Variants in CDH13 observed in about 807,000 individuals in gnomAD.
CDH13 encodes cadherin 13.
CDH13 carries 24 observed loss-of-function variants against 63.8 expected under a neutral mutation model. The ratio of observed to expected loss-of-function variants is 0.38; its 90% confidence interval spans 0.27 to 0.53. CDH13 has a LOEUF of 0.53. Ranked by LOEUF, CDH13 falls within the 20% of genes least tolerant of loss-of-function variation. CDH13 has a pLI of 0.85. For synonymous variants in CDH13, 503 were observed against 355.3 expected (o/e 1.42, Z -4.67); for missense variants, 1,049 against 903.1 (o/e 1.16, Z -2.07).
intron 8 of CDH13, among the ~76,000 whole-genome samples, chr16:83,657,660 A>G (rs1912986575): frequency 6.6e-6 from 1 of 152,200 alleles, no homozygotes; most frequent in Non-Finnish European, 1.5e-5. Context: ...GTGTCTGCAG[A>G]ATCAGTCAGT....
intron 6 of CDH13, among the ~76,000 whole-genome samples, chr16:83,438,420 A>T (rs1025375442): frequency 1.3e-5 from 2 of 152,208 alleles, no homozygotes; most frequent in African/African-American, 4.8e-5. Context: ...ATGTTAAAGG[A>T]ATACATTTGA....
intron 4 of CDH13, among the ~76,000 whole-genome samples, chr16:83,207,464 A>T (rs74774117): frequency 0.046 from 6,934 of 152,308 alleles, 332 homozygotes; most frequent in African/African-American, 0.12. Flanking sequence ...ACACATGTAG[A>T]CACATACAAT....
Position 83,367,363 on chromosome 16 carries a change from C to T in CDH13, c.781+22357C>T, listed in dbSNP as rs893339996. On this transcript the variant is annotated intron_variant, in intron 6 of 13. Coordinates refer to ENST00000567109, the MANE Select transcript of CDH13 (RefSeq NM_001257.5). ...GATTATATTTTATTTTAAGTTTTTA[C>T]GTTATATTTTATGACATTTATCCAT... Among the ~76,000 whole-genome samples the T allele has an allele frequency of 9.2e-5, 14 of 152,154 alleles. No individual in the cohort carries two copies. The East Asian group carries it at 9.6e-4, about 10-fold the overall frequency.
intron 2 of CDH13, among the ~76,000 whole-genome samples, chr16:82,903,652 A>G (rs990859421): frequency 1.3e-5 from 2 of 152,148 alleles, no homozygotes; most frequent in Admixed American, 6.5e-5. Flanking sequence ...GAAACTTTCT[A>G]CTTGGAATCA....
At chr16:83,217,520 C>T (rs1242565830) in intron 5 of CDH13, 23 bp downstream of exon 5, 1 of 1,605,370 alleles carries the variant, frequency 6.2e-7, no homozygotes, top group Admixed American at 1.7e-5. Flanking sequence ...CTCCCATGCC[C>T]ACCCTGTGCG....
intron 10 of CDH13, among the ~76,000 whole-genome samples, chr16:83,731,317 G>C (rs559041763): frequency 1.4e-3 from 186 of 132,684 alleles, no homozygotes; most frequent in Non-Finnish European, 5.6e-4. Context: ...TGTAACCTGG[G>C]CAGCATCTGT....
intron 2 of CDH13, among the ~76,000 whole-genome samples, chr16:83,004,556 G>A (rs1400416630): frequency 2.0e-5 from 3 of 152,142 alleles, no homozygotes; most frequent in East Asian, 1.9e-4. Context: ...CCAGGCTGGA[G>A]TGTATTGGTG....
chr16:83,609,183 G>A (rs576773174), intron 8 of CDH13, among the ~76,000 whole-genome samples: 2 of 152,170 alleles, frequency 1.3e-5, no homozygotes, highest in Non-Finnish European at 2.9e-5. Flanking sequence ...TGCAGCTGAG[G>A]ATGGCTTTGA....
chr16:83,206,686 G>A (rs888901539), intron 4 of CDH13, among the ~76,000 whole-genome samples: 1 of 152,208 alleles, frequency 6.6e-6, no homozygotes, highest in African/African-American at 2.4e-5. Context: ...TCAGAGAGAT[G>A]GCTCTTAAAC....
chr16:82,757,151 A>G (rs1056742949), intron 1 of CDH13, among the ~76,000 whole-genome samples: 1 of 152,120 alleles, frequency 6.6e-6, no homozygotes, highest in African/African-American at 2.4e-5. Context: ...GCTGTATTGT[A>G]TCCTATCTAC....
At chr16:83,288,216 C>A (rs150084535) in intron 5 of CDH13, among the ~76,000 whole-genome samples, 4 of 152,332 alleles carry the variant, frequency 2.6e-5, no homozygotes, top group African/African-American at 9.6e-5. Context: ...CTCATCTCCT[C>A]TAGCCCAGCC....
chr16:82,717,434 TAAAAAA>T (rs5818399), intron 1 of CDH13, among the ~76,000 whole-genome samples: 1 of 122,994 alleles, frequency 8.1e-6, no homozygotes. Context: ...AGACTTTGCC[TAAAAAA>T]AAAAAAAAAA....
At position 82,678,319 on chromosome 16, in the gene CDH13, C is replaced by CTTTTT. The variant is rs11369498; in HGVS notation, c.45+51193_45+51197dup. On this transcript the variant is annotated intron_variant, in intron 1 of 13. Coordinates refer to ENST00000567109, the MANE Select transcript of CDH13 (RefSeq NM_001257.5). Reference sequence around the variant, plus strand: ...GCAAATGCATGGCATACAGAAAAAACTTTTTTTTTTTTTTTAGCTCTGAAA... The same window carrying CTTTTT: ...GCAAATGCATGGCATACAGAAAAAACTTTTTTTTTTTTTTTTTTTTAGCTCTGAAA... 3.5e-3 allele frequency among the ~76,000 whole-genome samples: 510 copies of CTTTTT among 144,784 alleles called. 3 individuals carry two copies. Among genetic ancestry groups the CTTTTT allele is most frequent in the East Asian group, 0.016 (79 of 4,896 alleles). The allele number at this position is 144,784 out of a possible 152,430, so 95.0% of individuals were successfully genotyped here.
intron 5 of CDH13, among the ~76,000 whole-genome samples, chr16:83,225,789 A>G (rs1179154797): frequency 6.6e-6 from 1 of 152,182 alleles, no homozygotes; most frequent in East Asian, 1.9e-4. Flanking sequence ...AAGTTTTTCC[A>G]TTGTGAAGCC....
intron 6 of CDH13, among the ~76,000 whole-genome samples, chr16:83,401,092 G>A (rs2151442211): frequency 6.6e-6 from 1 of 152,260 alleles, no homozygotes; most frequent in African/African-American, 2.4e-5. Flanking sequence ...TATAATCCCA[G>A]CACTTTGGGA....
At chr16:82,842,664 A>G (rs2039083551) in intron 1 of CDH13, among the ~76,000 whole-genome samples, 1 of 151,918 alleles carries the variant, frequency 6.6e-6, no homozygotes, top group Non-Finnish European at 1.5e-5. Context: ...GGAGGGGAGG[A>G]TTTGGGGATG....
At chr16:82,738,546 C>T (rs917114707) in intron 1 of CDH13, among the ~76,000 whole-genome samples, 1 of 152,198 alleles carries the variant, frequency 6.6e-6, no homozygotes, top group Non-Finnish European at 1.5e-5. Context: ...AGTAGTTAGC[C>T]CTCCGCTACC....
chr16:82,672,009 T>A (rs1312044267), intron 1 of CDH13, among the ~76,000 whole-genome samples: 2 of 152,150 alleles, frequency 1.3e-5, no homozygotes, highest in Admixed American at 6.5e-5. Context: ...AAGAATGGCA[T>A]CATTTCCAGA....
At chr16:83,386,844 C>T (rs1301206766) in intron 6 of CDH13, among the ~76,000 whole-genome samples, 1 of 152,192 alleles carries the variant, frequency 6.6e-6, no homozygotes, top group African/African-American at 2.4e-5. Context: ...TGCAAGACAG[C>T]TGCCTCTGCT....
Sources: gnomAD v4.1 joint callset for allele counts (sites outside exome capture counted in the v4.1 genomes callset) on GRCh38, gnomAD v4.1.1 for gene constraint, MANE v1.5 for transcripts, NCBI Gene and HGNC (gene_info 2026-07-23, HGNC 2026-07-21) for gene names.